KMT5B: variants seen among roughly 807,000 people sequenced by gnomAD.
KMT5B encodes histone-lysine N-methyltransferase KMT5B.
In KMT5B, 10 loss-of-function variants were observed where a neutral mutation model predicts 83.2. The observed-to-expected ratio is 0.12, with a 90% CI of 0.07 to 0.20. KMT5B has a LOEUF of 0.20. Among genes scored for constraint, KMT5B ranks in the 10% least tolerant of loss-of-function variants. KMT5B has a pLI of 1.00. For missense variants in KMT5B, 753 were observed against 1,067.2 expected (o/e 0.71, Z 4.10); for synonymous variants, 349 against 388.8 (o/e 0.90, Z 1.20).
At position 68,159,131 on chromosome 11, in the gene KMT5B, G is replaced by C. The variant is rs763324791; in HGVS notation, c.1215C>G (p.Ser405Arg). Residue 405 changes from serine to arginine, a missense_variant, in exon 11 of 11, where the codon AGC becomes AGG. By Grantham distance (110) the Ser-to-Arg change is moderately radical. This residue lies in a region of KMT5B where 397 missense variants were observed against 395.9 expected (regional missense o/e 1.00). Coordinates refer to ENST00000304363, the MANE Select transcript of KMT5B (RefSeq NM_017635.5). ...ATTGCCTCGTTAACGTTCTGCTCTT[G>C]CTATTCTTTTTTACGCCAACTGAAG... ...RKSSVGVKKN[S>R]KSRTLTRQSM... 1 of 1,581,132 alleles carries C rather than the reference G, an allele frequency of 6.3e-7. No homozygotes were observed. The highest frequency in any genetic ancestry group is 1.2e-5 in the South Asian group (1 of 84,862).
At chr11:68,168,286 A>G in intron 9 of KMT5B, among the ~76,000 whole-genome samples, 1 of 148,054 alleles carries the variant, frequency 6.8e-6, no homozygotes. Flanking sequence ...CTTTTTTCCT[A>G]TTTGACTATG....
At chr11:68,162,924 C>CA (rs1238432185) in intron 10 of KMT5B, among the ~76,000 whole-genome samples, 15 of 152,316 alleles carry the variant, frequency 9.8e-5, no homozygotes, top group African/African-American at 3.6e-4. Flanking sequence ...AGTAGAGTGA[C>CA]AAGAGTCCTT....
chr11:68,161,535 A>T (rs1854866711), intron 10 of KMT5B, among the ~76,000 whole-genome samples: 1 of 152,026 alleles, frequency 6.6e-6, no homozygotes, highest in Non-Finnish European at 1.5e-5. Flanking sequence ...CTCAACAGCA[A>T]TCCCCGCCAT....
At chr11:68,165,635 T>G in intron 10 of KMT5B, 3 of 919,492 alleles carry the variant, frequency 3.3e-6, no homozygotes, top group Non-Finnish European at 4.3e-6. Flanking sequence ...ATGCCTGGCT[T>G]TTAAGTGTTT....
At chr11:68,174,044 C>A (rs996935762) in intron 5 of KMT5B, 131 bp from the exon 6 acceptor site, 2 of 710,378 alleles carry the variant, frequency 2.8e-6, no homozygotes. Context: ...CATAGCGAGA[C>A]CCTGTCTCTA....
At chr11:68,174,839 T>C (rs1856203031) in intron 5 of KMT5B, among the ~76,000 whole-genome samples, 179 bp downstream of exon 5, 1 of 152,212 alleles carries the variant, frequency 6.6e-6, no homozygotes, top group East Asian at 1.9e-4. Flanking sequence ...CCACTGAGCC[T>C]GGCCCAGTTT....
At chr11:68,172,396 A>ATT (rs34325630) in intron 6 of KMT5B, among the ~76,000 whole-genome samples, 3,605 of 142,646 alleles carry the variant, frequency 0.025, 70 homozygotes, top group Non-Finnish European at 0.041. Context: ...CACCTAGCTC[A>ATT]TTTTTTTTTT....
rs867486504 is a variant in KMT5B at position 68,164,375 on chromosome 11, C to G, written c.1174+2607G>C. ...AAGCACTCCGCAAACACATACACAG[C>G]ACATGCACCCACCACCCTGGGAGGA... On this transcript the variant is annotated intron_variant, in intron 10 of 10. Coordinates refer to ENST00000304363, the MANE Select transcript of KMT5B (RefSeq NM_017635.5). Among the ~76,000 whole-genome samples the G allele has an allele frequency of 7.2e-5, 11 of 152,326 alleles. No individual in the cohort carries two copies. In the Middle Eastern group the frequency reaches 0.01, roughly 141 times the overall value.
rs879352613 is a variant in KMT5B at position 68,168,337 on chromosome 11, A to AT, written c.978-1160dup. 3.4e-3 allele frequency among the ~76,000 whole-genome samples: 475 copies of AT among 138,856 alleles called. 2 individuals carry two copies. The highest frequency in any genetic ancestry group is 5.7e-3 in the Admixed American group (79 of 13,938). The allele number at this position is 138,856 out of a possible 152,430, so 91.1% of individuals were successfully genotyped here. A position where few individuals can be genotyped will look rare whatever the true frequency, so the allele number is the denominator to read the frequency against. On this transcript the variant is annotated intron_variant, in intron 9 of 10. Transcript: ENST00000304363. The stretch of plus-strand genomic sequence containing the variant: ...CTTATAGGAGCTTTTTGTTATTAGA[A>AT]TTTTTTTTTTTTTTTTGAGACACAG...
At chr11:68,191,471 T>C (rs1387519331) in intron 1 of KMT5B, among the ~76,000 whole-genome samples, 6 of 152,170 alleles carry the variant, frequency 3.9e-5, no homozygotes, top group African/African-American at 1.4e-4. Flanking sequence ...GTAGGTGGGA[T>C]TACAGGCGTG....
chr11:68,174,691 C>CTA (rs950391906), intron 5 of KMT5B, among the ~76,000 whole-genome samples: 1 of 152,166 alleles, frequency 6.6e-6, no homozygotes, highest in African/African-American at 2.4e-5. Context: ...GTACACACTA[C>CTA]TATGCCTAGC....
rs1054318110 is a variant in KMT5B at position 68,159,245 on chromosome 11, G to T, written c.1175-74C>A. 6.0e-5 allele frequency: 90 copies of T among 1,493,162 alleles called. No homozygotes were observed. In the Middle Eastern group the frequency reaches 8.4e-4, roughly 14 times the overall value. 92.5% of individuals were successfully genotyped at this position (1,493,162 alleles called of 1,614,324 possible). A position where few individuals can be genotyped will look rare whatever the true frequency, so the allele number is the denominator to read the frequency against. Reference sequence around the variant, plus strand: ...TCAAGAAAAGAATGCCCAAACCCAGGCTATTAGCTACAGCACGTTTAGATT... The same window carrying T: ...TCAAGAAAAGAATGCCCAAACCCAGTCTATTAGCTACAGCACGTTTAGATT... On this transcript the variant is annotated intron_variant, in intron 10 of 10. Coordinates refer to ENST00000304363, the MANE Select transcript of KMT5B (RefSeq NM_017635.5).
In KMT5B at chr11:68,180,128, C is replaced by T. The variant is rs567340978; in HGVS notation, c.377+4G>A. On this transcript the variant is annotated splice_donor_region_variant and intron_variant, in intron 4 of 10. Coordinates refer to ENST00000304363, the MANE Select transcript of KMT5B (RefSeq NM_017635.5). ...TCTCATTGTTTTTAACACACACTAC[C>T]TACCTCACAGGGTTGTTGTGAGAAA... 8.9e-6 allele frequency: 14 copies of T among 1,580,136 alleles called. No homozygotes were observed. The highest frequency in any genetic ancestry group is 1.2e-5 in the Non-Finnish European group (14 of 1,156,234).
At chr11:68,166,793 G>A in intron 10 of KMT5B, 189 bp downstream of exon 10, 2 of 1,426,846 alleles carry the variant, frequency 1.4e-6, no homozygotes, top group East Asian at 2.5e-5. Flanking sequence ...GGACGGTACT[G>A]AAGTTAGAGA....
chr11:68,158,152 C>A lies in KMT5B; in HGVS notation c.2194G>T (p.Asp732Tyr). 1 of 1,614,102 alleles carries A rather than the reference C, an allele frequency of 6.2e-7. No individual in the cohort carries two copies. The highest frequency in any genetic ancestry group is 1.1e-5 in the South Asian group (1 of 91,048). Residue 732 changes from aspartate (D) to tyrosine (Y), a missense_variant, in exon 11 of 11, where the codon GAC (aspartate) becomes TAC (tyrosine). Around this residue, in one of 9 missense-constraint regions of KMT5B, gnomAD observed 161 missense variants for 195.1 expected, o/e 0.83. Coordinates refer to ENST00000304363, the MANE Select transcript of KMT5B (RefSeq NM_017635.5). ...RRHDSSSKTN[D>Y]QENDGMNSSK... ...GAGTTCATTCCATCATTCTCTTGGT[C>A]ATTTGTTTTGCTGCTGCTATCATGA...
At chr11:68,191,173 T>TGTGTGTGTGTGTGTGTGTG (rs1858004569) in intron 1 of KMT5B, among the ~76,000 whole-genome samples, 6 of 139,172 alleles carry the variant, frequency 4.3e-5, no homozygotes, top group African/African-American at 8.1e-5. Context: ...TTTTAAAACT[T>TGTGTGTGTGTGTGTGTGTG]TGTGTGTGTG....
intron 3 of KMT5B, among the ~76,000 whole-genome samples, chr11:68,181,524 G>C (rs921941291): frequency 1.3e-5 from 2 of 152,212 alleles, no homozygotes; most frequent in Non-Finnish European, 2.9e-5. Flanking sequence ...GGAACAGGCA[G>C]AGAGCTTAGA....
At chr11:68,169,144 C>A (rs1226067647) in intron 9 of KMT5B, among the ~76,000 whole-genome samples, 1 of 152,224 alleles carries the variant, frequency 6.6e-6, no homozygotes, top group Non-Finnish European at 1.5e-5. Flanking sequence ...ACGTTTCTAT[C>A]TACTTCTCAC....
At chr11:68,185,665 G>A in intron 3 of KMT5B, 116 bp downstream of exon 3, 2 of 1,064,970 alleles carry the variant, frequency 1.9e-6, no homozygotes, top group Non-Finnish European at 2.6e-6. Flanking sequence ...CCCTTCCACT[G>A]CAAAGAACTT....
Sources: allele counts gnomAD v4.1 joint callset (sites outside exome capture counted in the v4.1 genomes callset), GRCh38; gene constraint gnomAD v4.1.1; regional missense constraint gnomAD v4.1.1; transcripts MANE v1.5; gene names NCBI Gene and HGNC (gene_info 2026-07-23, HGNC 2026-07-21).